Variants in HDAC9 observed in about 807,000 individuals in gnomAD.
HDAC9 encodes histone deacetylase 9.
In HDAC9, 41 loss-of-function variants were observed where a neutral mutation model predicts 139.4. The observed-to-expected ratio is 0.29, with a 90% CI of 0.23 to 0.38. The LOEUF (loss-of-function observed/expected upper bound fraction) is 0.38, where lower values mean the gene tolerates loss of function less well. Among genes scored for constraint, HDAC9 ranks in the 10% least tolerant of loss-of-function variants. The pLI is 1.00. For missense variants in HDAC9, 1,147 were observed against 1,297.0 expected, an observed-to-expected ratio of 0.88 and a Z score of 1.78; for synonymous variants, 517 against 476.2, an observed-to-expected ratio of 1.09 and a Z score of -1.12.
chr7:18,355,901 A>T (rs960164945), intron 1 of HDAC9, among the ~76,000 whole-genome samples: 6 of 152,158 alleles, frequency 3.9e-5, no homozygotes, highest in Non-Finnish European at 7.4e-5. Flanking sequence ...GTGATTTCCA[A>T]GGGCTGGGGC....
At chr7:18,856,638 A>G (rs1219662611) in intron 21 of HDAC9, among the ~76,000 whole-genome samples, 1 of 152,204 alleles carries the variant, frequency 6.6e-6, no homozygotes, top group Non-Finnish European at 1.5e-5. Context: ...CAAATGCATT[A>G]GTAGCTTCCC....
intron 24 of HDAC9, among the ~76,000 whole-genome samples, chr7:18,969,249 G>A (rs1368490994): frequency 1.3e-5 from 2 of 152,104 alleles, no homozygotes; most frequent in African/African-American, 2.4e-5. Context: ...TGCATTAGCC[G>A]GAGTGGAGAG....
intron 22 of HDAC9, among the ~76,000 whole-genome samples, chr7:18,879,193 A>C (rs1373422646): frequency 1.8e-4 from 28 of 152,200 alleles, no homozygotes; most frequent in Admixed American, 1.8e-3. Context: ...TCCCGTGGTC[A>C]TAGACAGGAA....
In HDAC9 at chr7:18,179,486, G is replaced by A. The variant is rs566208278; in HGVS notation, c.25+17137G>A. On this transcript the variant is annotated intron_variant, in intron 2 of 12. Transcript: ENST00000417496. Reference sequence around the variant, plus strand: ...TGTTTATATCCTGTTGGGGTTCTATGTTCTTAACCACTATATAAGGATGAA... The same window carrying A: ...TGTTTATATCCTGTTGGGGTTCTATATTCTTAACCACTATATAAGGATGAA... Among the ~76,000 whole-genome samples, 5 of 152,236 alleles carry A rather than the reference G, an allele frequency of 3.3e-5. No individual in the cohort carries two copies. In the East Asian group the frequency reaches 7.7e-4, roughly 24 times the overall value.
At chr7:18,103,050 C>T (rs564985855) in intron 1 of HDAC9, among the ~76,000 whole-genome samples, 5 of 152,238 alleles carry the variant, frequency 3.3e-5, no homozygotes, top group South Asian at 4.2e-4. Flanking sequence ...TTCCACATTG[C>T]GGGGGAGGCC....
At chr7:18,830,450 T>A (rs1197672508) in intron 19 of HDAC9, among the ~76,000 whole-genome samples, 1 of 151,110 alleles carries the variant, frequency 6.6e-6, no homozygotes. Flanking sequence ...ATGCTAAAGG[T>A]TTTTTTTTGA....
intron 2 of HDAC9, among the ~76,000 whole-genome samples, chr7:18,516,741 G>T (rs925560243): frequency 2.6e-5 from 4 of 151,718 alleles, no homozygotes; most frequent in African/African-American, 9.7e-5. Flanking sequence ...TGTGCCTGTA[G>T]TCCCAGCTAC....
chr7:18,540,792 A>G (rs1247079778), intron 2 of HDAC9, among the ~76,000 whole-genome samples: 1 of 152,212 alleles, frequency 6.6e-6, no homozygotes, highest in African/African-American at 2.4e-5. Context: ...TAAACAATGT[A>G]ATGTTTTTAG....
At chr7:18,303,430 G>A (rs1262032142) in intron 1 of HDAC9, among the ~76,000 whole-genome samples, 5 of 122,068 alleles carry the variant, frequency 4.1e-5, no homozygotes, top group Non-Finnish European at 7.4e-5. Context: ...TGTGTTTTTA[G>A]TAGAGATGGG....
At chr7:18,750,723 A>G (rs1305973713) in intron 14 of HDAC9, among the ~76,000 whole-genome samples, 1 of 152,200 alleles carries the variant, frequency 6.6e-6, no homozygotes, top group Non-Finnish European at 1.5e-5. Context: ...ATGCAATCCC[A>G]TATGGAGTCC....
In HDAC9 at chr7:18,871,802, G is replaced by A. The variant is rs73320049; in HGVS notation, c.2685-2676G>A. Among the ~76,000 whole-genome samples, 1,212 of 152,150 alleles carry A rather than the reference G, an allele frequency of 8.0e-3. 19 individuals are homozygous for A. The highest frequency in any genetic ancestry group is 0.027 in the African/African-American group (1,124 of 41,520). On this transcript the variant is annotated intron_variant, in intron 21 of 25. Coordinates refer to ENST00000686413, the MANE Select transcript of HDAC9 (RefSeq NM_178425.4). ...ACAGTGAACACTTCCATGGACATTC[G>A]TAAATTCATTGCCAAAATAAAGAGA...
At chr7:18,262,277 A>G (rs551040852) in intron 2 of HDAC9, among the ~76,000 whole-genome samples, 2 of 152,318 alleles carry the variant, frequency 1.3e-5, no homozygotes, top group South Asian at 4.1e-4. Context: ...GAGTCTCAAT[A>G]AGGCTGACAG....
At chr7:18,519,531 A>G (rs1444219592) in intron 2 of HDAC9, among the ~76,000 whole-genome samples, 1 of 152,182 alleles carries the variant, frequency 6.6e-6, no homozygotes, top group Non-Finnish European at 1.5e-5. Context: ...AATCTTTGTC[A>G]TGATTAACAC....
intron 12 of HDAC9, among the ~76,000 whole-genome samples, chr7:18,701,381 G>A (rs1316969360): frequency 3.6e-5 from 5 of 139,018 alleles, no homozygotes; most frequent in African/African-American, 1.1e-4. Flanking sequence ...CATTGATTCT[G>A]TTGTGGCGTC....
At chr7:18,269,682 A>G (rs1341277781) in intron 2 of HDAC9, among the ~76,000 whole-genome samples, 3 of 152,074 alleles carry the variant, frequency 2.0e-5, no homozygotes. Context: ...TGATTGTGCC[A>G]CTGCACTTTA....
chr7:18,868,077 G>A (rs950940298), intron 21 of HDAC9, among the ~76,000 whole-genome samples: 1 of 151,970 alleles, frequency 6.6e-6, no homozygotes, highest in Non-Finnish European at 1.5e-5. Context: ...TATCTGTTTC[G>A]TTAAGAGTCT....
chr7:18,459,043 G>A (rs1045306314), intron 1 of HDAC9: 36 of 636,700 alleles, frequency 5.7e-5, no homozygotes, highest in Admixed American at 4.4e-4. Flanking sequence ...GTTTTGCCAC[G>A]GGCTACTGAC....
At chr7:18,732,853 ATG>A (rs1457622854) in intron 13 of HDAC9, among the ~76,000 whole-genome samples, 1 of 59,930 alleles carries the variant, frequency 1.7e-5, no homozygotes, top group Non-Finnish European at 3.5e-5. Flanking sequence ...ACACGTGTGT[ATG>A]TGTGCGTATG....
chr7:18,802,074 G>A (rs891881183), intron 17 of HDAC9, among the ~76,000 whole-genome samples: 1 of 151,298 alleles, frequency 6.6e-6, no homozygotes, highest in Non-Finnish European at 1.5e-5. Context: ...ATTTTATTTG[G>A]GGGGAGGTCA....
Sources: gnomAD v4.1 joint callset for allele counts (sites outside exome capture counted in the v4.1 genomes callset) on GRCh38, gnomAD v4.1.1 for gene constraint, MANE v1.5 for transcripts, NCBI Gene and HGNC (gene_info 2026-07-23, HGNC 2026-07-21) for gene names.